DIO2: variants seen among roughly 807,000 people sequenced by gnomAD.
The protein encoded by DIO2 is type II iodothyronine deiodinase.
DIO2 carries 19 observed loss-of-function variants against 21.4 expected under a neutral mutation model. That is an observed-to-expected ratio of 0.89 (90% confidence interval 0.62 to 1.30). The LOEUF is 1.30. Among genes scored for constraint, DIO2 ranks in the 50% most tolerant of loss-of-function variants. The probability of loss-of-function intolerance (pLI) is 0.00; values close to 1 mark genes in which losing one functional copy is unlikely to be tolerated. For synonymous variants in DIO2, 122 were observed against 132.9 expected, an observed-to-expected ratio of 0.92 and a Z score of 0.57; for missense variants, 302 against 338.1, an observed-to-expected ratio of 0.89 and a Z score of 0.84.
At chr14:80,209,579 C>T (rs1888086325) in intron 1 of DIO2, among the ~76,000 whole-genome samples, 1 of 152,174 alleles carries the variant, frequency 6.6e-6, no homozygotes, top group Non-Finnish European at 1.5e-5. Context: ...ACTTCCCATT[C>T]AATGTATACT....
chr14:80,226,796 T>G (rs1436973019), intron 2 of DIO2, among the ~76,000 whole-genome samples: 1 of 152,198 alleles, frequency 6.6e-6, no homozygotes, highest in Admixed American at 6.5e-5. Context: ...GAATGGGTCA[T>G]CCTATCCACT....
intron 2 of DIO2, among the ~76,000 whole-genome samples, chr14:80,226,429 T>C (rs1888577366): frequency 6.6e-6 from 1 of 152,204 alleles, no homozygotes; most frequent in Non-Finnish European, 1.5e-5. Context: ...CAGATGGTAG[T>C]CTTGGCGGAA....
intron 1 of DIO2, among the ~76,000 whole-genome samples, chr14:80,203,824 C>T (rs922864937): frequency 6.6e-6 from 1 of 152,214 alleles, no homozygotes; most frequent in Non-Finnish European, 1.5e-5. Flanking sequence ...GGGCTCTATT[C>T]TTGGCCAGAT....
chr14:80,225,736 C>T (rs1416617133), intron 2 of DIO2, among the ~76,000 whole-genome samples: 1 of 152,110 alleles, frequency 6.6e-6, no homozygotes, highest in African/African-American at 2.4e-5. Flanking sequence ...GTAGTCCTGC[C>T]TGGATTGGGC....
chr14:80,226,908 C>T (rs772266570), intron 2 of DIO2, among the ~76,000 whole-genome samples: 29 of 152,200 alleles, frequency 1.9e-4, no homozygotes, highest in Non-Finnish European at 3.1e-4. Flanking sequence ...CATCCACATA[C>T]GTCTTCCCCA....
At chr14:80,221,434 A>G (rs1888463224) in intron 2 of DIO2, among the ~76,000 whole-genome samples, 1 of 152,206 alleles carries the variant, frequency 6.6e-6, no homozygotes, top group South Asian at 2.1e-4. Context: ...ACAGATAAAA[A>G]CACCATAACA....
rs1475272272 is a variant in DIO2 at position 80,200,028 on chromosome 14, A to G, written c.*2661T>C. 6.6e-6 allele frequency: 1 copy of G among 152,618 alleles called. No individual in the cohort carries two copies. The highest frequency in any genetic ancestry group is 1.5e-5 in the Non-Finnish European group (1 of 68,016). 9.5% of individuals were successfully genotyped at this position (152,618 alleles called of 1,614,324 possible). On this transcript the variant is annotated 3_prime_UTR_variant, in exon 2 of 2. Coordinates refer to ENST00000438257, the MANE Select transcript of DIO2 (RefSeq NM_013989.5). ...CATTGATTTTCCTCTACCTCAAAAT[A>G]ATGAGTTCTTGTTAATTTCATAAAA...
intron 1 of DIO2, 62 bp downstream of exon 1, chr14:80,211,189 C>A: frequency 6.6e-7 from 1 of 1,508,600 alleles, no homozygotes; most frequent in South Asian, 1.2e-5. Flanking sequence ...GGCCTCTGGT[C>A]CCCAGCATAT....
chr14:80,211,345 C>A lies in DIO2; in HGVS notation c.128G>T (p.Arg43Leu), dbSNP rs1367705359. ...CCACTCTCCGCGAGTGGACTTGGAG[C>A]GGCTCAACAGCAGCACCACGTGCTT... Reference protein sequence around the residue: ...LLKHVVLLLSRSKSTRGEWRR... With the variant: ...LLKHVVLLLSLSKSTRGEWRR... Residue 43 changes from arginine (R) to leucine (L), a missense_variant, in exon 1 of 2, where the codon CGC becomes CTC. Transcript: ENST00000438257. 7.4e-6 allele frequency: 12 copies of A among 1,613,680 alleles called. No homozygotes were observed. The highest frequency in any genetic ancestry group is 3.3e-5 in the South Asian group (3 of 91,058).
At chr14:80,217,382 C>T (rs1355822671) in intron 2 of DIO2, among the ~76,000 whole-genome samples, 1 of 152,136 alleles carries the variant, frequency 6.6e-6, no homozygotes, top group African/African-American at 2.4e-5. Context: ...ACATAAACAA[C>T]ACAACAGAGC....
rs1887666728 is a variant in DIO2, at chr14:80,200,357, G to T, written c.*2332C>A. ...AACGACCTCCTTCTTTAAAAATATA[G>T]CACAACTGGGTGATTTTTCCATCAT... On this transcript the variant is annotated 3_prime_UTR_variant, in exon 2 of 2. Coordinates refer to ENST00000438257, the MANE Select transcript of DIO2 (RefSeq NM_013989.5). 6.6e-6 allele frequency: 1 copy of T among 152,514 alleles called. No individual in the cohort carries two copies. Among genetic ancestry groups the T allele is most frequent in the South Asian group, 2.1e-4 (1 of 4,832 alleles). The allele number at this position is 152,514 out of a possible 1,614,324, so 9.4% of individuals were successfully genotyped here. A position where few individuals can be genotyped will look rare whatever the true frequency, so the allele number is the denominator to read the frequency against.
At chr14:80,222,717 C>T (rs1227523006) in intron 2 of DIO2, among the ~76,000 whole-genome samples, 1 of 152,132 alleles carries the variant, frequency 6.6e-6, no homozygotes, top group Non-Finnish European at 1.5e-5. Context: ...TCTTAACCTA[C>T]AAAAACAGCA....
At position 80,197,617 on chromosome 14, in the gene DIO2, T is replaced by C. The variant is rs1249657320; in HGVS notation, c.*5072A>G. The C allele has an allele frequency of 6.6e-6, 1 of 152,644 alleles. No individual in the cohort carries two copies. Among genetic ancestry groups the C allele is most frequent in the East Asian group, 1.9e-4 (1 of 5,204 alleles). The allele number at this position is 152,644 out of a possible 1,614,324, so 9.5% of individuals were successfully genotyped here. On this transcript the variant is annotated 3_prime_UTR_variant, in exon 2 of 2. Coordinates refer to ENST00000438257, the MANE Select transcript of DIO2 (RefSeq NM_013989.5). Reference sequence around the variant, plus strand: ...TCAGCACCAATATGATAACACTCTTTCTACTGATAATCTCCCAAAGCAGTT... The same window carrying C: ...TCAGCACCAATATGATAACACTCTTCCTACTGATAATCTCCCAAAGCAGTT...
chr14:80,199,252 T>C lies in DIO2; in HGVS notation c.*3437A>G, dbSNP rs1250199068. ...TCAGAGCCCAAATAGTAAAATACAC[T>C]CAGGCAAAATGAAAGACAATAGGCT... On this transcript the variant is annotated 3_prime_UTR_variant, in exon 2 of 2. Transcript: ENST00000438257. The C allele has an allele frequency of 1.3e-5, 2 of 152,154 alleles. No homozygotes were observed. The highest frequency in any genetic ancestry group is 2.9e-5 in the Non-Finnish European group (2 of 68,034). The allele number at this position is 152,154 out of a possible 1,614,324, so 9.4% of individuals were successfully genotyped here. A position where few individuals can be genotyped will look rare whatever the true frequency, so the allele number is the denominator to read the frequency against.
intron 2 of DIO2, among the ~76,000 whole-genome samples, chr14:80,221,682 G>A (rs1888468795): frequency 6.6e-6 from 1 of 152,028 alleles, no homozygotes. Context: ...AGAATTCATG[G>A]AAGTAATCAA....
intron 2 of DIO2, among the ~76,000 whole-genome samples, chr14:80,224,929 G>A (rs942639263): frequency 6.6e-6 from 1 of 152,158 alleles, no homozygotes; most frequent in Non-Finnish European, 1.5e-5. Flanking sequence ...CTGCAAGCTT[G>A]AGGAGAAAAG....
rs772180266 is a variant in DIO2 at position 80,203,086 on chromosome 14, G to A, written c.425C>T (p.Ala142Val). The A allele has an allele frequency of 1.9e-6, 3 of 1,613,780 alleles. No individual in the cohort carries two copies. Among genetic ancestry groups the A allele is most frequent in the African/African-American group, 1.3e-5 (1 of 74,894 alleles). The stretch of plus-strand genomic sequence containing the variant: ...GAACTCTTCCACCAGTTTGCGGAAG[G>A]CTGGCAGCTGGCTCGTGAAAGGAGG... ...TUPPFTSQLP[A>V]FRKLVEEFSS... is the part of the protein sequence containing the mutation. The change falls in exon 2 of 2, where the codon GCC becomes GTC. Residue 142 changes from alanine to valine, a missense_variant. Transcript: ENST00000438257.
intron 2 of DIO2, chr14:80,219,639 G>A (rs1241600731): frequency 6.6e-6 from 1 of 151,918 alleles, no homozygotes; most frequent in Non-Finnish European, 1.5e-5. Flanking sequence ...ACCAGTAGGA[G>A]GAGACAGACA....
chr14:80,228,719 A>T (rs1888627498), intron 2 of DIO2, among the ~76,000 whole-genome samples: 2 of 152,160 alleles, frequency 1.3e-5, no homozygotes, highest in South Asian at 4.1e-4. Context: ...GCATTCTGGC[A>T]CTGGGGAAAT....
Sources: allele counts gnomAD v4.1 joint callset (sites outside exome capture counted in the v4.1 genomes callset), GRCh38; gene constraint gnomAD v4.1.1; transcripts MANE v1.5; gene names NCBI Gene and HGNC (gene_info 2026-07-23, HGNC 2026-07-21).